The following ANKRD6 variants were observed in gnomAD, a reference collection of about 807,000 sequenced individuals.
ANKRD6 encodes the protein ankyrin repeat domain-containing protein 6.
In ANKRD6, 56 loss-of-function variants were observed where a neutral mutation model predicts 82.3. The observed-to-expected ratio is 0.68, with a 90% CI of 0.55 to 0.85. The LOEUF (loss-of-function observed/expected upper bound fraction) is 0.85, where lower values mean the gene tolerates loss of function less well. ANKRD6 is among the 40% of genes least tolerant of loss of function. ANKRD6 has a pLI of 0.00. For synonymous variants in ANKRD6, 347 were observed against 352.1 expected (o/e 0.99, Z 0.16); for missense variants, 852 against 907.6 (o/e 0.94, Z 0.79).
chr6:89,520,298 T>G (rs566824949), intron 1 of ANKRD6, among the ~76,000 whole-genome samples: 1 of 152,332 alleles, frequency 6.6e-6, no homozygotes, highest in East Asian at 1.9e-4. Flanking sequence ...TCTTTTTCAT[T>G]TTGGCAAAAG....
At chr6:89,613,949 G>T in intron 7 of ANKRD6, 59 bp downstream of exon 7, 11 of 1,566,426 alleles carry the variant, frequency 7.0e-6, no homozygotes, top group Non-Finnish European at 9.6e-6. Flanking sequence ...CTACCGGACA[G>T]GTCTGTTAGT....
chr6:89,433,558 C>T lies in ANKRD6; in HGVS notation c.-144+183C>T, dbSNP rs1220301480. 6.6e-6 allele frequency among the ~76,000 whole-genome samples: 1 copy of T among 152,094 alleles called. No individual in the cohort carries two copies. The highest frequency in any genetic ancestry group is 1.5e-5 in the Non-Finnish European group (1 of 67,972). ...CCCTGGCCTGCGGCCTCCGAAAACG[C>T]CCGGCGCGAGGGGGTCCCCCCGGGG... is the stretch of plus-strand genomic sequence containing the variant. On this transcript the variant is annotated intron_variant, in intron 1 of 15. Transcript: ENST00000339746. The surrounding 1 kb of genome is among the most constrained non-coding windows in gnomAD (Gnocchi z 4.3).
In ANKRD6 at chr6:89,624,706, C is replaced by A; in HGVS notation, c.1371+15C>A. The A allele has an allele frequency of 2.5e-6, 4 of 1,599,602 alleles. No homozygotes were observed. Among genetic ancestry groups the A allele is most frequent in the South Asian group, 1.1e-5 (1 of 88,316 alleles). ...CCCAGCACCAAGTATGTCATAAGGC[C>A]CAGCTTCCTAATTGCAAGGTGTTCT... On this transcript the variant is annotated intron_variant, in intron 13 of 15. Coordinates refer to ENST00000339746, the MANE Select transcript of ANKRD6 (RefSeq NM_001242809.2).
chr6:89,514,424 T>C (rs1355755325), intron 1 of ANKRD6, among the ~76,000 whole-genome samples: 2 of 152,174 alleles, frequency 1.3e-5, no homozygotes, highest in Non-Finnish European at 2.9e-5. Flanking sequence ...TGTTTTGTTT[T>C]AAGCTCATCA....
intron 1 of ANKRD6, among the ~76,000 whole-genome samples, chr6:89,495,290 C>G (rs539249199): frequency 6.6e-6 from 1 of 152,210 alleles, no homozygotes; most frequent in Admixed American, 6.5e-5. Context: ...TTTCTAAGGC[C>G]ATGATTTGGC....
At chr6:89,517,514 G>A (rs915974107) in intron 1 of ANKRD6, among the ~76,000 whole-genome samples, 1 of 152,132 alleles carries the variant, frequency 6.6e-6, no homozygotes, top group African/African-American at 2.4e-5. Flanking sequence ...TTTCCTTGTT[G>A]TAGTATAATG....
chr6:89,570,077 G>GTGTGTA (rs1307840553), intron 2 of ANKRD6, among the ~76,000 whole-genome samples: 2 of 151,710 alleles, frequency 1.3e-5, no homozygotes, highest in Non-Finnish European at 1.5e-5. Flanking sequence ...GTGTGTGTGT[G>GTGTGTA]TGTGTGTGTG....
chr6:89,629,249 CA>C lies in ANKRD6; in HGVS notation c.1612+12del. 1 of 1,613,738 alleles carries C rather than the reference CA, an allele frequency of 6.2e-7. No homozygotes were observed. Among genetic ancestry groups the C allele is most frequent in the Non-Finnish European group, 8.5e-7 (1 of 1,179,768 alleles). On this transcript the variant is annotated intron_variant, in intron 15 of 15. Coordinates refer to ENST00000339746, the MANE Select transcript of ANKRD6 (RefSeq NM_001242809.2). ...GTGAGTCCTCTACAGGTAACCCACA[CA>C]CAGAGAGCCCTTTTGTCCAAAAGGA...
At chr6:89,597,971 TTTAAAGAATCTAGGAGATCAG>T (rs1796272391) in intron 3 of ANKRD6, 2 of 371,618 alleles carry the variant, frequency 5.4e-6, no homozygotes, top group East Asian at 3.3e-4. Context: ...ATGTGTGTCC[TTTAAAGAATCTAGGAGATCAG>T]TTATTTGAAA....
intron 2 of ANKRD6, among the ~76,000 whole-genome samples, chr6:89,586,392 T>C (rs761982071): frequency 1.3e-5 from 2 of 152,102 alleles, no homozygotes; most frequent in African/African-American, 2.4e-5. Flanking sequence ...CGTCAACCCA[T>C]TGAAAATGTA....
intron 1 of ANKRD6, among the ~76,000 whole-genome samples, chr6:89,483,774 G>A (rs1487991786): frequency 1.3e-5 from 2 of 152,188 alleles, no homozygotes; most frequent in Admixed American, 6.5e-5. Context: ...ATATATTTGT[G>A]CACGTGTATG....
chr6:89,630,681 A>G lies in ANKRD6; in HGVS notation c.1861A>G (p.Lys621Glu). The G allele has an allele frequency of 1.2e-6, 2 of 1,613,954 alleles. No homozygotes were observed. Among genetic ancestry groups the G allele is most frequent in the Non-Finnish European group, 8.5e-7 (1 of 1,179,838 alleles). Reference sequence around the variant, plus strand: ...CTGCGTCAACAGAGGCACTCAAACTAAGAAGTCTGGGAAGAGTGGGCCAAC... The same window carrying G: ...CTGCGTCAACAGAGGCACTCAAACTGAGAAGTCTGGGAAGAGTGGGCCAAC... Reference protein sequence around the residue: ...GPCVNRGTQTKKSGKSGPTRH... With the variant: ...GPCVNRGTQTEKSGKSGPTRH... Residue 621 changes from lysine (K) to glutamate (E), a missense_variant, in exon 16 of 16, where the codon AAG becomes GAG. Coordinates refer to ENST00000339746, the MANE Select transcript of ANKRD6 (RefSeq NM_001242809.2).
chr6:89,439,800 G>A (rs1049724713), intron 1 of ANKRD6, among the ~76,000 whole-genome samples: 1 of 152,170 alleles, frequency 6.6e-6, no homozygotes, highest in Non-Finnish European at 1.5e-5. Flanking sequence ...CTGGGTTCAA[G>A]CAATTCTTGT....
chr6:89,579,657 T>G lies in ANKRD6; in HGVS notation c.120+12561T>G, dbSNP rs538837138. Among the ~76,000 whole-genome samples, 9 of 145,866 alleles carry G rather than the reference T, an allele frequency of 6.2e-5. 1 individual carries two copies. In the East Asian group the frequency reaches 1.7e-3, roughly 27 times the overall value. ...CTGTAATCCCAGCTACTTGGGAGCC[T>G]GAGGCAGGAGAATTGCTTGAACCCA... On this transcript the variant is annotated intron_variant, in intron 2 of 15. Transcript: ENST00000339746.
At position 89,630,542 on chromosome 6, in the gene ANKRD6, C is replaced by T. The variant is rs777156730; in HGVS notation, c.1722C>T (p.Leu574=). Residue 574 remains leucine (L), a synonymous_variant, in exon 16 of 16, where the codon CTC becomes CTT. Coordinates refer to ENST00000339746, the MANE Select transcript of ANKRD6 (RefSeq NM_001242809.2). ...TCAACTCCACTGCTACCCAGAGACT[C>T]CAGCAGGAGCTGTCGTCTTCTGACT... ...KALNSTATQR[L]QQELSSSDCT... 1.2e-6 allele frequency: 2 copies of T among 1,613,988 alleles called. No individual in the cohort carries two copies. Among genetic ancestry groups the T allele is most frequent in the Non-Finnish European group, 8.5e-7 (1 of 1,179,856 alleles).
intron 1 of ANKRD6, among the ~76,000 whole-genome samples, chr6:89,472,103 T>C (rs1413853552): frequency 6.6e-6 from 1 of 152,130 alleles, no homozygotes; most frequent in Non-Finnish European, 1.5e-5. Flanking sequence ...GATGCAGCAC[T>C]CCAATCCCTG....
At chr6:89,450,570 GGCA>G (rs1772683596) in intron 1 of ANKRD6, among the ~76,000 whole-genome samples, 1 of 152,046 alleles carries the variant, frequency 6.6e-6, no homozygotes, top group Non-Finnish European at 1.5e-5. Flanking sequence ...CCAGGCTGGA[GGCA>G]GCAGTGTGAT....
chr6:89,553,087 G>A, intron 1 of ANKRD6, among the ~76,000 whole-genome samples: 1 of 152,214 alleles, frequency 6.6e-6, no homozygotes, highest in East Asian at 1.9e-4. Flanking sequence ...TGTGAGAGAA[G>A]GTCATGTGGG....
intron 2 of ANKRD6, among the ~76,000 whole-genome samples, chr6:89,586,270 G>A (rs1793663455): frequency 1.3e-5 from 2 of 152,150 alleles, no homozygotes; most frequent in South Asian, 4.2e-4. Context: ...TCCTGAAAAG[G>A]CAGTGATTCT....
Sources: allele counts gnomAD v4.1 joint callset (sites outside exome capture counted in the v4.1 genomes callset), GRCh38; gene constraint gnomAD v4.1.1; non-coding constraint Gnocchi (gnomAD v3.1); transcripts MANE v1.5; gene names NCBI Gene and HGNC (gene_info 2026-07-23, HGNC 2026-07-21).